ULK4: variants seen among roughly 807,000 people sequenced by gnomAD.
The protein encoded by ULK4 is unc-51 like kinase 4.
ULK4 carries 133 observed loss-of-function variants against 160.6 expected under a neutral mutation model. That is an observed-to-expected ratio of 0.83 (90% confidence interval 0.72 to 0.96). ULK4 has a LOEUF of 0.96. Among genes scored for constraint, ULK4 ranks in the 40% least tolerant of loss-of-function variants. The pLI is 0.00. For missense variants in ULK4, 1,580 were observed against 1,499.5 expected, an observed-to-expected ratio of 1.05 and a Z score of -0.89; for synonymous variants, 534 against 539.8, an observed-to-expected ratio of 0.99 and a Z score of 0.15.
At chr3:41,808,173 A>G (rs2040709033) in intron 19 of ULK4, among the ~76,000 whole-genome samples, 2 of 152,150 alleles carry the variant, frequency 1.3e-5, no homozygotes, top group Admixed American at 6.6e-5. Flanking sequence ...ACTACAAAAA[A>G]TATTAATATT....
intron 34 of ULK4, among the ~76,000 whole-genome samples, chr3:41,440,659 G>C (rs986749443): frequency 3.3e-5 from 5 of 152,064 alleles, no homozygotes; most frequent in Non-Finnish European, 1.5e-5. Flanking sequence ...GGTAATGCTA[G>C]CCTCTAGAAT....
intron 18 of ULK4, among the ~76,000 whole-genome samples, chr3:41,825,691 C>T (rs1409053030): frequency 1.3e-5 from 2 of 152,166 alleles, no homozygotes; most frequent in Non-Finnish European, 2.9e-5. Flanking sequence ...GATTGGTGTA[C>T]CTGAAAGTGA....
intron 35 of ULK4, among the ~76,000 whole-genome samples, chr3:41,297,297 G>A (rs1036533682): frequency 3.3e-5 from 5 of 152,206 alleles, no homozygotes; most frequent in South Asian, 2.1e-4. Context: ...TGGGCGGGGG[G>A]TTGGAGGGAC....
rs1419357753 is a variant in ULK4, at chr3:41,681,812, A to T, written c.2782-8T>A. ...CAGTATATAGTCAACAACCTAAAAGAAAGCATGTAAAAGACTCAGAATCTC... is the reference window on the plus strand; with the variant it reads ...CAGTATATAGTCAACAACCTAAAAGTAAGCATGTAAAAGACTCAGAATCTC... On this transcript the variant is annotated splice_region_variant and splice_polypyrimidine_tract_variant and intron_variant, in intron 27 of 36. Coordinates refer to ENST00000301831, the MANE Select transcript of ULK4 (RefSeq NM_017886.4). 6.2e-7 allele frequency: 1 copy of T among 1,613,750 alleles called. No homozygotes were observed. Among genetic ancestry groups the T allele is most frequent in the African/African-American group, 1.3e-5 (1 of 74,918 alleles).
At chr3:41,959,486 C>G (rs1376755775) in intron 1 of ULK4, among the ~76,000 whole-genome samples, 1 of 151,966 alleles carries the variant, frequency 6.6e-6, no homozygotes, top group African/African-American at 2.4e-5. Context: ...GATTGCGCCA[C>G]TGCACTCCAG....
rs1179288449 is a variant in ULK4 at position 41,884,281 on chromosome 3, T to A, written c.1578-329A>T. The stretch of plus-strand genomic sequence containing the variant: ...AGCAAAACAGTAATTAATCCTTTTA[T>A]TGCTGAGTACAGAGGCATTTGGCTA... On this transcript the variant is annotated intron_variant, in intron 16 of 36. Coordinates refer to ENST00000301831, the MANE Select transcript of ULK4 (RefSeq NM_017886.4). Among the ~76,000 whole-genome samples the A allele has an allele frequency of 3.9e-5, 6 of 152,248 alleles. No individual in the cohort carries two copies. In the East Asian group the frequency reaches 1.2e-3, roughly 29 times the overall value.
At chr3:41,654,879 G>C (rs2034871923) in intron 30 of ULK4, among the ~76,000 whole-genome samples, 1 of 152,224 alleles carries the variant, frequency 6.6e-6, no homozygotes, top group Non-Finnish European at 1.5e-5. Flanking sequence ...AGAATAATGA[G>C]AAACCATGTA....
In ULK4 at chr3:41,851,331, TA is replaced by T. The variant is rs1268766580; in HGVS notation, c.1657-15361del. 2.6e-5 allele frequency among the ~76,000 whole-genome samples: 4 copies of T among 152,308 alleles called. No homozygotes were observed. In the East Asian group the frequency reaches 7.7e-4, roughly 29 times the overall value. On this transcript the variant is annotated intron_variant, in intron 17 of 36. Transcript: ENST00000301831. ...AAGGCCTTTTCTGCATCTATTGAGA[TA>T]ATCATGTGGTTTTTGTCTTTGGTTC... is the stretch of plus-strand genomic sequence containing the variant.
chr3:41,617,105 G>A (rs2033013115), intron 30 of ULK4, among the ~76,000 whole-genome samples: 1 of 152,200 alleles, frequency 6.6e-6, no homozygotes, highest in Admixed American at 6.5e-5. Context: ...CCCAAGTCAG[G>A]GGCTTACAGA....
At chr3:41,702,702 A>G (rs953186291) in intron 27 of ULK4, among the ~76,000 whole-genome samples, 3 of 152,156 alleles carry the variant, frequency 2.0e-5, no homozygotes, top group Non-Finnish European at 1.5e-5. Flanking sequence ...TACACCTAAT[A>G]ACATGGCCTC....
At chr3:41,276,475 G>A (rs902631243) in intron 35 of ULK4, among the ~76,000 whole-genome samples, 7 of 152,324 alleles carry the variant, frequency 4.6e-5, no homozygotes, top group South Asian at 2.1e-4. Flanking sequence ...GAGAGGGGAC[G>A]TCAGAGGATA....
At chr3:41,756,136 C>A (rs2038796303) in intron 21 of ULK4, among the ~76,000 whole-genome samples, 2 of 152,286 alleles carry the variant, frequency 1.3e-5, no homozygotes, top group South Asian at 4.1e-4. Flanking sequence ...AACATGAGTA[C>A]TAGCCAAACT....
At chr3:41,253,591 G>A (rs980298427) in intron 35 of ULK4, among the ~76,000 whole-genome samples, 7 of 151,080 alleles carry the variant, frequency 4.6e-5, no homozygotes, top group South Asian at 4.2e-4. Context: ...AAAGAAAGCC[G>A]GAAAAGGAAA....
rs568825122 is a variant in ULK4, at chr3:41,495,969, A to G, written c.3227-32716T>C. Among the ~76,000 whole-genome samples the G allele has an allele frequency of 2.6e-5, 4 of 152,232 alleles. No individual in the cohort carries two copies. In the East Asian group the frequency reaches 5.8e-4, roughly 22 times the overall value. On this transcript the variant is annotated intron_variant, in intron 32 of 36. Coordinates refer to ENST00000301831, the MANE Select transcript of ULK4 (RefSeq NM_017886.4). ...ATATAACACAAAAGCCAGAAGCCAT[A>G]AAAGATTTATAGATAATACTTAATA...
intron 32 of ULK4, among the ~76,000 whole-genome samples, chr3:41,519,459 C>T (rs1250477884): frequency 6.6e-6 from 1 of 152,170 alleles, no homozygotes; most frequent in African/African-American, 2.4e-5. Flanking sequence ...ATTTTTAAAT[C>T]TTCCACTAAT....
chr3:41,336,087 A>G (rs925356639), intron 35 of ULK4, among the ~76,000 whole-genome samples: 1 of 152,164 alleles, frequency 6.6e-6, no homozygotes, highest in Non-Finnish European at 1.5e-5. Flanking sequence ...TCCTTGACCT[A>G]AACTTACTCA....
chr3:41,472,781 C>T (rs867242341), intron 32 of ULK4, among the ~76,000 whole-genome samples: 2 of 152,206 alleles, frequency 1.3e-5, no homozygotes, highest in Middle Eastern at 3.4e-3. Context: ...ATGAGCCCAG[C>T]ATTACCCTCA....
At chr3:41,273,549 G>T (rs1053792490) in intron 35 of ULK4, among the ~76,000 whole-genome samples, 1 of 152,106 alleles carries the variant, frequency 6.6e-6, no homozygotes, top group Non-Finnish European at 1.5e-5. Flanking sequence ...TAGCTGTCTT[G>T]GTCTCTCTGG....
chr3:41,562,443 C>T (rs1288414769), intron 32 of ULK4, among the ~76,000 whole-genome samples: 1 of 152,132 alleles, frequency 6.6e-6, no homozygotes, highest in Admixed American at 6.5e-5. Flanking sequence ...GTTGATCTGT[C>T]TAGTATTGAC....
Sources: allele counts gnomAD v4.1 joint callset (sites outside exome capture counted in the v4.1 genomes callset), GRCh38; gene constraint gnomAD v4.1.1; transcripts MANE v1.5; gene names NCBI Gene and HGNC (gene_info 2026-07-23, HGNC 2026-07-21).